The following NEUROD2 variants were observed in gnomAD, a reference collection of about 807,000 sequenced individuals.
NEUROD2 encodes the protein neuronal differentiation 2, also known as neurogenic differentiation factor 2.
A neutral mutation model predicts 9.3 loss-of-function variants in NEUROD2; 5 were observed. The observed-to-expected ratio is 0.54, with a 90% CI of 0.28 to 1.13. NEUROD2 has a LOEUF of 1.13. NEUROD2 is among the 50% of genes most tolerant of loss of function. NEUROD2 has a pLI of 0.10. For missense variants in NEUROD2, 376 were observed against 549.2 expected (o/e 0.68, Z 3.15); for synonymous variants, 277 against 257.3 (o/e 1.08, Z -0.73).
At chr17:39,607,322 A>G (rs1233334732) in intron 1 of NEUROD2, 2 of 151,790 alleles carry the variant, frequency 1.3e-5, no homozygotes, top group African/African-American at 2.4e-5. Flanking sequence ...TTCCCCCTTC[A>G]AGCTGACTCC....
chr17:39,607,703 T>A (rs2056775575), intron 1 of NEUROD2, 25 bp downstream of exon 1: 1 of 954,548 alleles, frequency 1.0e-6, no homozygotes, highest in Non-Finnish European at 1.2e-6. Flanking sequence ...GCGGGTCAGA[T>A]CTCGCTCCCT....
In NEUROD2 at chr17:39,606,790, C is replaced by T. The variant is rs941483927; in HGVS notation, c.-5-186G>A. On this transcript the variant is annotated intron_variant, in intron 1 of 1. Coordinates refer to ENST00000302584, the MANE Select transcript of NEUROD2 (RefSeq NM_006160.4). This position sits in a 1 kb window ranked among gnomAD's most constrained non-coding sequence, Gnocchi z 7.8. ...GAGCCGGCCCAGCCCTACCCGGCTG[C>T]CGGCCTGGGATCTCGGCCCAGGCCC... 23 of 582,390 alleles carry T rather than the reference C, an allele frequency of 3.9e-5. No homozygotes were observed. In the Admixed American group the frequency reaches 4.4e-4, roughly 11 times the overall value. 36.1% of individuals were successfully genotyped at this position (582,390 alleles called of 1,614,324 possible).
Position 39,604,761 on chromosome 17 carries a change from T to A in NEUROD2, c.*690A>T, listed in dbSNP as rs2056759845. On this transcript the variant is annotated 3_prime_UTR_variant, in exon 2 of 2. Coordinates refer to ENST00000302584, the MANE Select transcript of NEUROD2 (RefSeq NM_006160.4). The stretch of plus-strand genomic sequence containing the variant: ...GGCTTCCGTCGCCTCTTAGCTTTTT[T>A]TTTTTTTTTTTTTTTTTTTTTTTTT... The A allele has an allele frequency of 9.9e-5, 12 of 121,208 alleles. No homozygotes were observed. Among genetic ancestry groups the A allele is most frequent in the South Asian group, 3.0e-4 (1 of 3,306 alleles). 7.5% of individuals were successfully genotyped at this position (121,208 alleles called of 1,614,324 possible).
At position 39,604,558 on chromosome 17, in the gene NEUROD2, T is replaced by TCCCGGGGCCGGGCCGGGCCGC. The variant is rs2056758175; in HGVS notation, c.*872_*892dup. The TCCCGGGGCCGGGCCGGGCCGC allele has an allele frequency of 6.7e-6, 1 of 150,330 alleles. No individual in the cohort carries two copies. Among genetic ancestry groups the TCCCGGGGCCGGGCCGGGCCGC allele is most frequent in the Non-Finnish European group, 1.5e-5 (1 of 67,644 alleles). 9.3% of individuals were successfully genotyped at this position (150,330 alleles called of 1,614,324 possible). ...GGCGGCCCGCAGGCCGGGCGGGGCA[T>TCCCGGGGCCGGGCCGGGCCGC]CCCGGGGCCGGGCCGGGCCGCGAGG... On this transcript the variant is annotated 3_prime_UTR_variant, in exon 2 of 2. Coordinates refer to ENST00000302584, the MANE Select transcript of NEUROD2 (RefSeq NM_006160.4).
rs778121616 is a variant in NEUROD2, at chr17:39,606,534, G to A, written c.66C>T (p.Gly22=). Residue 22 remains glycine (G), a synonymous_variant, in exon 2 of 2, where the codon GGC becomes GGT. Coordinates refer to ENST00000302584, the MANE Select transcript of NEUROD2 (RefSeq NM_006160.4). This position sits in a 1 kb window ranked among gnomAD's most constrained non-coding sequence, Gnocchi z 7.8. The part of the protein sequence containing the change: ...LSDVPKFASW[G]DGEDDEPRSD... ...TCCTCGGCTCGTCGTCTTCGCCGTC[G>A]CCCCAGCTGGCGAACTTGGGCACGT... The A allele has an allele frequency of 6.3e-7, 1 of 1,575,980 alleles. No individual in the cohort carries two copies. The highest frequency in any genetic ancestry group is 1.1e-5 in the South Asian group (1 of 88,174).
rs1446004206 is a variant in NEUROD2, at chr17:39,603,916, G to A, written c.*1535C>T. Reference sequence around the variant, plus strand: ...CGTGTGTGTGGGTGAGTGTGTGGGTGTGTCGCCTGTGGGATTGCATTTTTG... The same window carrying A: ...CGTGTGTGTGGGTGAGTGTGTGGGTATGTCGCCTGTGGGATTGCATTTTTG... On this transcript the variant is annotated 3_prime_UTR_variant, in exon 2 of 2. Transcript: ENST00000302584. 6.5e-6 allele frequency: 1 copy of A among 152,760 alleles called. No homozygotes were observed. The highest frequency in any genetic ancestry group is 1.5e-5 in the Non-Finnish European group (1 of 68,036). The allele number at this position is 152,760 out of a possible 1,614,324, so 9.5% of individuals were successfully genotyped here. A position where few individuals can be genotyped will look rare whatever the true frequency, so the allele number is the denominator to read the frequency against.
At position 39,606,556 on chromosome 17, in the gene NEUROD2, A is replaced by G; in HGVS notation, c.44T>C (p.Val15Ala). ...LFSEPGLLSD[V>A]PKFASWGDGE... is the part of the protein sequence containing the mutation. ...GTCGCCCCAGCTGGCGAACTTGGGC[A>G]CGTCCGAGAGAAGGCCGGGCTCGCT... The change falls in exon 2 of 2, where the codon GTG becomes GCG. Residue 15 changes from valine to alanine, a missense_variant. By Grantham distance (64) the Val-to-Ala change is moderately conservative. Transcript: ENST00000302584. This position sits in a 1 kb window ranked among gnomAD's most constrained non-coding sequence, Gnocchi z 7.8. 1 of 1,584,754 alleles carries G rather than the reference A, an allele frequency of 6.3e-7. No individual in the cohort carries two copies. Among genetic ancestry groups the G allele is most frequent in the Non-Finnish European group, 8.5e-7 (1 of 1,175,228 alleles).
rs144216348 is a variant in NEUROD2 at position 39,605,192 on chromosome 17, C to T, written c.*259G>A. On this transcript the variant is annotated 3_prime_UTR_variant, in exon 2 of 2. Transcript: ENST00000302584. The surrounding 1 kb of genome is among the most constrained non-coding windows in gnomAD (Gnocchi z 6.8). Reference sequence around the variant, plus strand: ...TCCAGGGAGCCCCCGGAGAGAGGTCCCTGGAGAAGCACTCCTTGGGAGAGA... The same window carrying T: ...TCCAGGGAGCCCCCGGAGAGAGGTCTCTGGAGAAGCACTCCTTGGGAGAGA... The T allele has an allele frequency of 8.3e-3, 3,159 of 380,184 alleles. 18 individuals carry two copies. The highest frequency in any genetic ancestry group is 0.012 in the Non-Finnish European group (2,595 of 213,660). The allele number at this position is 380,184 out of a possible 1,614,324, so 23.6% of individuals were successfully genotyped here.
rs764115228 is a variant in NEUROD2, at chr17:39,606,165, G to T, written c.435C>A (p.Arg145=). Residue 145 remains arginine, a synonymous_variant, in exon 2 of 2, where the codon CGC becomes CGA. Transcript: ENST00000302584. The surrounding 1 kb of genome is among the most constrained non-coding windows in gnomAD (Gnocchi z 7.8). ...HDLNAALDNL[R]KVVPCYSKTQ... Reference sequence around the variant, plus strand: ...TCTTGGAGTAGCAGGGCACCACCTTGCGCAGGTTGTCCAGGGCTGCGTTCA... The same window carrying T: ...TCTTGGAGTAGCAGGGCACCACCTTTCGCAGGTTGTCCAGGGCTGCGTTCA... 2.2e-5 allele frequency: 35 copies of T among 1,613,388 alleles called. No homozygotes were observed. The highest frequency in any genetic ancestry group is 2.6e-5 in the Non-Finnish European group (31 of 1,179,954).
In NEUROD2 at chr17:39,606,365, G is replaced by T; in HGVS notation, c.235C>A (p.Leu79Met). Residue 79 changes from leucine (L) to methionine (M), a missense_variant, in exon 2 of 2, where the codon CTG becomes ATG. Around this residue, in one of 3 missense-constraint regions of NEUROD2, gnomAD observed 134 missense variants for 133.6 expected, o/e 1.00. Transcript: ENST00000302584. The surrounding 1 kb of genome is among the most constrained non-coding windows in gnomAD (Gnocchi z 7.8). ...TCTTCCTCCTCCTCCTCTCCCCCCAGCTCGCCTTCCTCCTTGACCTCGGCC... is the reference window on the plus strand; with the variant it reads ...TCTTCCTCCTCCTCCTCTCCCCCCATCTCGCCTTCCTCCTTGACCTCGGCC... ...TLAEVKEEGE[L>M]GGEEEEEEEE... 6.4e-7 allele frequency: 1 copy of T among 1,569,274 alleles called. No homozygotes were observed.
At chr17:39,607,570 C>A (rs959633362) in intron 1 of NEUROD2, 158 bp downstream of exon 1, 1 of 982,494 alleles carries the variant, frequency 1.0e-6, no homozygotes, top group South Asian at 4.7e-5. Context: ...TGGGCTGCAG[C>A]CCCTAAGGGA....
In NEUROD2 at chr17:39,606,571, C is replaced by A; in HGVS notation, c.29G>T (p.Gly10Val). The stretch of plus-strand genomic sequence containing the variant: ...GAACTTGGGCACGTCCGAGAGAAGG[C>A]CGGGCTCGCTGAACAGGCGGGTCAG... MLTRLFSEP[G>V]LLSDVPKFAS... Residue 10 changes from glycine (G) to valine (V), a missense_variant, in exon 2 of 2, where the codon GGC becomes GTC. Gly to Val is a moderately radical substitution (Grantham distance 109). Around this residue, in one of 3 missense-constraint regions of NEUROD2, gnomAD observed 134 missense variants for 133.6 expected, o/e 1.00. Transcript: ENST00000302584. The surrounding 1 kb of genome is among the most constrained non-coding windows in gnomAD (Gnocchi z 7.8). The A allele has an allele frequency of 1.3e-6, 2 of 1,583,318 alleles. No individual in the cohort carries two copies. The highest frequency in any genetic ancestry group is 1.7e-6 in the Non-Finnish European group (2 of 1,174,856).
At position 39,606,273 on chromosome 17, in the gene NEUROD2, G is replaced by C. The variant is rs773390348; in HGVS notation, c.327C>G (p.Arg109=). The C allele has an allele frequency of 1.2e-6, 2 of 1,609,756 alleles. No individual in the cohort carries two copies. Among genetic ancestry groups the C allele is most frequent in the Admixed American group, 3.3e-5 (2 of 59,944 alleles). The change falls in exon 2 of 2, where the codon CGC becomes CGG. Residue 109 remains arginine, a synonymous_variant. Coordinates refer to ENST00000302584, the MANE Select transcript of NEUROD2 (RefSeq NM_006160.4). This position sits in a 1 kb window ranked among gnomAD's most constrained non-coding sequence, Gnocchi z 7.8. ...GCTCCAAGCGCGCCTTGGTCATCTTGCGCTTCTTGGGCCCGCGCTTCTTGG... is the reference window on the plus strand; with the variant it reads ...GCTCCAAGCGCGCCTTGGTCATCTTCCGCTTCTTGGGCCCGCGCTTCTTGG... ...ERPKKRGPKK[R]KMTKARLERS... is the part of the protein sequence containing the mutation.
At position 39,605,574 on chromosome 17, in the gene NEUROD2, T is replaced by C. The variant is rs760237918; in HGVS notation, c.1026A>G (p.Leu342=). The C allele has an allele frequency of 1.2e-6, 2 of 1,613,666 alleles. No homozygotes were observed. Among genetic ancestry groups the C allele is most frequent in the Admixed American group, 3.3e-5 (2 of 60,016 alleles). Residue 342 remains leucine, a synonymous_variant, in exon 2 of 2, where the codon CTA becomes CTG. Transcript: ENST00000302584. The surrounding 1 kb of genome is among the most constrained non-coding windows in gnomAD (Gnocchi z 6.8). ...LPGSRPTGHG[L]VFGSSAVRGG... is the part of the protein sequence containing the mutation. Reference sequence around the variant, plus strand: ...CGCGCACAGCCGACGAGCCGAAGACTAGCCCGTGGCCCGTGGGCCGCGAAC... The same window carrying C: ...CGCGCACAGCCGACGAGCCGAAGACCAGCCCGTGGCCCGTGGGCCGCGAAC...
chr17:39,605,720 C>T lies in NEUROD2; in HGVS notation c.880G>A (p.Glu294Lys). 1 of 1,596,658 alleles carries T rather than the reference C, an allele frequency of 6.3e-7. No individual in the cohort carries two copies. ...GGASPDYNSS[E>K]YEGPLSPPLC... ...GGGGGGCTGAGCGGGCCCTCGTACT[C>T]GGAGCTGTTGTAGTCCGGGCTCGCG... Residue 294 changes from glutamate (E) to lysine (K), a missense_variant, in exon 2 of 2, where the codon GAG becomes AAG. By Grantham distance (56) the Glu-to-Lys change is moderately conservative (BLOSUM62 1). This residue lies in a region of NEUROD2 where 193 missense variants were observed against 255.8 expected (regional missense o/e 0.75). Coordinates refer to ENST00000302584, the MANE Select transcript of NEUROD2 (RefSeq NM_006160.4). The surrounding 1 kb of genome is among the most constrained non-coding windows in gnomAD (Gnocchi z 6.8).
Position 39,606,572 on chromosome 17 carries a change from C to A in NEUROD2, c.28G>T (p.Gly10Cys), listed in dbSNP as rs746110456. Reference protein sequence around the residue: MLTRLFSEPGLLSDVPKFAS... With the variant: MLTRLFSEPCLLSDVPKFAS... ...AACTTGGGCACGTCCGAGAGAAGGC[C>A]GGGCTCGCTGAACAGGCGGGTCAGC... is the stretch of plus-strand genomic sequence containing the variant. Residue 10 changes from glycine (G) to cysteine (C), a missense_variant, in exon 2 of 2, where the codon GGC becomes TGC. Physicochemically the swap from Gly to Cys is radical, Grantham distance 159. Around this residue, in one of 3 missense-constraint regions of NEUROD2, gnomAD observed 134 missense variants for 133.6 expected, o/e 1.00. Transcript: ENST00000302584. The surrounding 1 kb of genome is among the most constrained non-coding windows in gnomAD (Gnocchi z 7.8). 2 of 1,583,562 alleles carry A rather than the reference C, an allele frequency of 1.3e-6. No individual in the cohort carries two copies. The highest frequency in any genetic ancestry group is 1.4e-5 in the African/African-American group (1 of 73,098).
chr17:39,607,530 G>C lies in NEUROD2; in HGVS notation c.-6+198C>G, dbSNP rs61627339. 0.013 allele frequency: 10,836 copies of C among 848,074 alleles called. 923 individuals carry two copies. The African/African-American group carries it at 0.18, about 14-fold the overall frequency. The allele number at this position is 848,074 out of a possible 1,614,324, so 52.5% of individuals were successfully genotyped here. A position where few individuals can be genotyped will look rare whatever the true frequency, so the allele number is the denominator to read the frequency against. On this transcript the variant is annotated intron_variant, in intron 1 of 1. Coordinates refer to ENST00000302584, the MANE Select transcript of NEUROD2 (RefSeq NM_006160.4). ...GCCTTCCCCCCCCACCGAGCCCATC[G>C]CAGGCAGAGACACCTCCTCTGCAGC...
Position 39,605,338 on chromosome 17 carries a change from C to A in NEUROD2, c.*113G>T. Reference sequence around the variant, plus strand: ...CCCAGGAGAGCGGCAGGACCGGTGGCCCGCTCCCCGCGCCCGGCGCCGGGG... The same window carrying A: ...CCCAGGAGAGCGGCAGGACCGGTGGACCGCTCCCCGCGCCCGGCGCCGGGG... On this transcript the variant is annotated 3_prime_UTR_variant, in exon 2 of 2. Coordinates refer to ENST00000302584, the MANE Select transcript of NEUROD2 (RefSeq NM_006160.4). This position sits in a 1 kb window ranked among gnomAD's most constrained non-coding sequence, Gnocchi z 6.8. 7.3e-7 allele frequency: 1 copy of A among 1,377,460 alleles called. No homozygotes were observed. Among genetic ancestry groups the A allele is most frequent in the Non-Finnish European group, 9.6e-7 (1 of 1,041,588 alleles). The allele number at this position is 1,377,460 out of a possible 1,614,324, so 85.3% of individuals were successfully genotyped here.
Position 39,605,485 on chromosome 17 carries a change from A to T in NEUROD2, c.1115T>A (p.Met372Lys). The T allele has an allele frequency of 6.2e-7, 1 of 1,605,990 alleles. No individual in the cohort carries two copies. The highest frequency in any genetic ancestry group is 8.5e-7 in the Non-Finnish European group (1 of 1,175,744). ...DMHLHHDRGP[M>K]YEELNAFFHN is the part of the protein sequence containing the mutation. ...AAAAAACGCATTGAGCTCCTCGTAC[A>T]TGGGGCCCCGGTCGTGGTGAAGGTG... Residue 372 changes from methionine (M) to lysine (K), a missense_variant, in exon 2 of 2, where the codon ATG becomes AAG. Coordinates refer to ENST00000302584, the MANE Select transcript of NEUROD2 (RefSeq NM_006160.4). The surrounding 1 kb of genome is among the most constrained non-coding windows in gnomAD (Gnocchi z 6.8).
Sources: gnomAD v4.1 joint callset for allele counts on GRCh38, gnomAD v4.1.1 for gene constraint, gnomAD v4.1.1 regional missense constraint, Gnocchi (gnomAD v3.1) non-coding constraint, MANE v1.5 for transcripts, NCBI Gene and HGNC (gene_info 2026-07-23, HGNC 2026-07-21) for gene names.